Variants in GPATCH2 observed in about 807,000 individuals in gnomAD.
GPATCH2 encodes the protein G patch domain-containing protein 2.
GPATCH2 carries 51 observed loss-of-function variants against 58.0 expected under a neutral mutation model. The ratio of observed to expected loss-of-function variants is 0.88; its 90% confidence interval spans 0.70 to 1.11. The LOEUF (loss-of-function observed/expected upper bound fraction) is 1.11. Among genes scored for constraint, GPATCH2 ranks in the 50% most tolerant of loss-of-function variants. GPATCH2 has a pLI of 0.00. For synonymous variants in GPATCH2, 222 were observed against 218.5 expected (o/e 1.02, Z -0.14); for missense variants, 625 against 652.2 (o/e 0.96, Z 0.45).
At chr1:217,600,234 A>G (rs1230007654) in intron 5 of GPATCH2, among the ~76,000 whole-genome samples, 8 of 152,186 alleles carry the variant, frequency 5.3e-5, no homozygotes, top group Admixed American at 5.2e-4. Flanking sequence ...GGACTGAACA[A>G]CAAAAATTTT....
At chr1:217,575,810 T>C (rs1666777400) in intron 5 of GPATCH2, among the ~76,000 whole-genome samples, 2 of 152,120 alleles carry the variant, frequency 1.3e-5, no homozygotes, top group Admixed American at 6.5e-5. Flanking sequence ...CCTATAAAAG[T>C]TCATTTCTGT....
intron 8 of GPATCH2, among the ~76,000 whole-genome samples, chr1:217,462,679 T>G (rs1309005250): frequency 6.6e-6 from 1 of 152,226 alleles, no homozygotes; most frequent in African/African-American, 2.4e-5. Flanking sequence ...CAATGAATCT[T>G]AGCTATTATG....
intron 5 of GPATCH2, among the ~76,000 whole-genome samples, chr1:217,525,724 G>T (rs1663870709): frequency 6.6e-6 from 1 of 152,030 alleles, no homozygotes; most frequent in Admixed American, 6.5e-5. Flanking sequence ...TTTTTGGGGG[G>T]TAGCAGAAGA....
intron 7 of GPATCH2, 46 bp downstream of exon 7, chr1:217,498,310 T>G (rs759201139): frequency 1.4e-6 from 2 of 1,454,456 alleles, no homozygotes; most frequent in African/African-American, 2.8e-5. Context: ...AGTTAAATAC[T>G]TGAAAGAGGC....
chr1:217,576,112 C>A (rs980550484), intron 5 of GPATCH2, among the ~76,000 whole-genome samples: 3 of 152,000 alleles, frequency 2.0e-5, no homozygotes, highest in Non-Finnish European at 4.4e-5. Flanking sequence ...ACTTACATAT[C>A]CAAACTTCAA....
intron 5 of GPATCH2, among the ~76,000 whole-genome samples, chr1:217,554,970 T>A (rs1051589327): frequency 7.9e-5 from 12 of 152,106 alleles, no homozygotes; most frequent in Non-Finnish European, 2.9e-5. Flanking sequence ...CTACAAAGAG[T>A]AGGAACTTTA....
intron 5 of GPATCH2, among the ~76,000 whole-genome samples, chr1:217,530,237 A>G (rs1001856506): frequency 3.9e-5 from 6 of 152,204 alleles, no homozygotes; most frequent in African/African-American, 1.2e-4. Flanking sequence ...AAGAGCACAG[A>G]GATGAAAACT....
intron 5 of GPATCH2, among the ~76,000 whole-genome samples, chr1:217,561,489 G>C (rs1665923259): frequency 6.6e-6 from 1 of 152,162 alleles, no homozygotes; most frequent in South Asian, 2.1e-4. Context: ...TGTATTTAAT[G>C]CATTTTAGGC....
chr1:217,614,348 ACTG>A (rs1474095492), intron 2 of GPATCH2, 146 bp from the exon 3 acceptor site: 4 of 588,932 alleles, frequency 6.8e-6, no homozygotes, highest in Non-Finnish European at 1.2e-5. Flanking sequence ...TTTTAATCAA[ACTG>A]CTAATATCCT....
At chr1:217,573,578 C>A (rs1666666311) in intron 5 of GPATCH2, among the ~76,000 whole-genome samples, 2 of 151,818 alleles carry the variant, frequency 1.3e-5, no homozygotes, top group South Asian at 4.1e-4. Flanking sequence ...CAAACATGAA[C>A]TTTGGAGGGG....
intron 8 of GPATCH2, 104 bp from the exon 9 acceptor site, chr1:217,449,441 A>C: frequency 1.4e-6 from 1 of 723,262 alleles, no homozygotes; most frequent in East Asian, 2.5e-5. Flanking sequence ...CTCAACAAAG[A>C]TGGAGCTGCG....
chr1:217,605,023 C>CTAAAT (rs1553351514), intron 5 of GPATCH2, among the ~76,000 whole-genome samples: 1 of 151,472 alleles, frequency 6.6e-6, no homozygotes, highest in East Asian at 1.9e-4. Context: ...GGCTCTGTCT[C>CTAAAT]AAAATAAAAT....
intron 5 of GPATCH2, among the ~76,000 whole-genome samples, chr1:217,570,122 A>G (rs921381629): frequency 4.6e-5 from 7 of 152,016 alleles, no homozygotes; most frequent in African/African-American, 1.4e-4. Flanking sequence ...CAAAACATAT[A>G]TATGTTTTGA....
intron 8 of GPATCH2, among the ~76,000 whole-genome samples, chr1:217,469,724 GTTATA>G (rs888842046): frequency 1.6e-4 from 24 of 152,082 alleles, no homozygotes; most frequent in Non-Finnish European, 2.6e-4. Context: ...AATAATTCTT[GTTATA>G]TTATGAGCAG....
At chr1:217,624,927 G>A (rs559724542) in intron 1 of GPATCH2, among the ~76,000 whole-genome samples, 2 of 152,250 alleles carry the variant, frequency 1.3e-5, no homozygotes, top group East Asian at 1.9e-4. Context: ...AAAATAGTCC[G>A]AATGAACAGA....
intron 7 of GPATCH2, among the ~76,000 whole-genome samples, chr1:217,497,362 G>T (rs1269014311): frequency 6.6e-6 from 1 of 152,034 alleles, no homozygotes; most frequent in Non-Finnish European, 1.5e-5. Context: ...ATTAATGTGA[G>T]AAGTATCTTT....
intron 9 of GPATCH2, among the ~76,000 whole-genome samples, chr1:217,440,048 C>T (rs1484342935): frequency 2.0e-5 from 3 of 152,196 alleles, no homozygotes; most frequent in Non-Finnish European, 4.4e-5. Context: ...CAAAACTTGG[C>T]AGAGACACAA....
intron 8 of GPATCH2, among the ~76,000 whole-genome samples, chr1:217,487,576 C>G (rs1183154648): frequency 2.0e-5 from 3 of 152,008 alleles, no homozygotes; most frequent in African/African-American, 7.2e-5. Context: ...CAGGCAGGGG[C>G]CACCAAGCCC....
At chr1:217,468,784 A>C (rs930828025) in intron 8 of GPATCH2, among the ~76,000 whole-genome samples, 1 of 152,028 alleles carries the variant, frequency 6.6e-6, no homozygotes, top group Non-Finnish European at 1.5e-5. Flanking sequence ...TTAGAGAAAC[A>C]CACTGATGTA....
Sources: allele counts gnomAD v4.1 joint callset (sites outside exome capture counted in the v4.1 genomes callset), GRCh38; gene constraint gnomAD v4.1.1; transcripts MANE v1.5; gene names NCBI Gene and HGNC (gene_info 2026-07-23, HGNC 2026-07-21).